Variants in ATP2B2 observed in about 807,000 individuals in gnomAD.
ATP2B2 encodes plasma membrane calcium-transporting ATPase 2.
Under a neutral mutation model 120.0 loss-of-function variants are expected in ATP2B2, and 15 were observed. The ratio of observed to expected loss-of-function variants is 0.12; its 90% CI spans 0.08 to 0.19. The LOEUF (loss-of-function observed/expected upper bound fraction) is 0.19, where lower values mean the gene tolerates loss of function less well. Ranked by LOEUF, ATP2B2 falls within the 10% of genes least tolerant of loss-of-function variation. ATP2B2 has a pLI of 1.00. For synonymous variants in ATP2B2, 694 were observed against 700.3 expected (o/e 0.99, Z 0.14); for missense variants, 1,045 against 1,719.8 (o/e 0.61, Z 6.94).
chr3:10,481,614 C>A (rs963959364), intron 1 of ATP2B2, among the ~76,000 whole-genome samples: 4 of 152,186 alleles, frequency 2.6e-5, no homozygotes, highest in Non-Finnish European at 4.4e-5. Context: ...AGTGCAATGG[C>A]ACAATCTCTG....
At chr3:10,407,189 G>C (rs2062443682) in intron 3 of ATP2B2, among the ~76,000 whole-genome samples, 1 of 152,312 alleles carries the variant, frequency 6.6e-6, no homozygotes, top group South Asian at 2.1e-4. Flanking sequence ...CAGATGGGGT[G>C]GGGGTGGGGA....
At chr3:10,551,545 T>C (rs1262761183) in intron 2 of ATP2B2, among the ~76,000 whole-genome samples, 5 of 152,242 alleles carry the variant, frequency 3.3e-5, no homozygotes, top group Non-Finnish European at 5.9e-5. Context: ...AAGTTTTGTA[T>C]AAAGAAATAT....
At position 10,329,311 on chromosome 3, in the gene ATP2B2, C is replaced by T. The variant is rs187166058; in HGVS notation, c.3421-186G>A. ...AAAAGGGGGCTCAGGTTATAGGCAT[C>T]CTTGAGCTGGTTTTTAAAAATCTCT... is the stretch of plus-strand genomic sequence containing the variant. On this transcript the variant is annotated intron_variant, in intron 22 of 22. Transcript: ENST00000360273. The surrounding 1 kb of genome is among the most constrained non-coding windows in gnomAD (Gnocchi z 5.9). 4.5e-4 allele frequency among the ~76,000 whole-genome samples: 69 copies of T among 152,034 alleles called. No individual in the cohort carries two copies. Among genetic ancestry groups the T allele is most frequent in the Non-Finnish European group, 3.4e-4 (23 of 68,000 alleles).
chr3:10,405,745 T>C (rs2062389582), intron 3 of ATP2B2, among the ~76,000 whole-genome samples: 1 of 152,212 alleles, frequency 6.6e-6, no homozygotes, highest in African/African-American at 2.4e-5. Flanking sequence ...CCTGTCTGCA[T>C]GTTCACCAGT....
intron 14 of ATP2B2, among the ~76,000 whole-genome samples, chr3:10,357,294 A>G (rs944226793): frequency 6.6e-6 from 1 of 152,172 alleles, no homozygotes; most frequent in East Asian, 1.9e-4. Flanking sequence ...CCCAGTATGC[A>G]GATGAGGCTC....
At chr3:10,540,803 G>C (rs1335798329) in intron 2 of ATP2B2, among the ~76,000 whole-genome samples, 1 of 151,412 alleles carries the variant, frequency 6.6e-6, no homozygotes, top group Non-Finnish European at 1.5e-5. Context: ...CAGCAACATG[G>C]TACATGTATA....
intron 1 of ATP2B2, among the ~76,000 whole-genome samples, chr3:10,450,969 G>A (rs755919211): frequency 5.3e-5 from 8 of 152,152 alleles, no homozygotes; most frequent in African/African-American, 1.9e-4. Context: ...GGCCCAGGAC[G>A]GTGAGGGGAA....
chr3:10,534,382 C>G (rs554969907), intron 2 of ATP2B2, among the ~76,000 whole-genome samples: 1 of 152,352 alleles, frequency 6.6e-6, no homozygotes, highest in East Asian at 1.9e-4. Context: ...GTCTCTCTGT[C>G]TGATACTGGG....
chr3:10,343,084 CT>C lies in ATP2B2; in HGVS notation c.2704-120del. 1 of 1,007,044 alleles carries C rather than the reference CT, an allele frequency of 9.9e-7. No homozygotes were observed. Among genetic ancestry groups the C allele is most frequent in the Non-Finnish European group, 1.5e-6 (1 of 667,804 alleles). The allele number at this position is 1,007,044 out of a possible 1,614,324, so 62.4% of individuals were successfully genotyped here. A position where few individuals can be genotyped will look rare whatever the true frequency, so the allele number is the denominator to read the frequency against. On this transcript the variant is annotated intron_variant, in intron 18 of 22. Transcript: ENST00000360273. This position sits in a 1 kb window ranked among gnomAD's most constrained non-coding sequence, Gnocchi z 4.2. Reference sequence around the variant, plus strand: ...CTGGAGGCTGGAGTCCGACCTGCCCCTTGGCTCCCCAGCAGGCATGGAGTTG... The same window carrying C: ...CTGGAGGCTGGAGTCCGACCTGCCCCTGGCTCCCCAGCAGGCATGGAGTTG...
intron 2 of ATP2B2, among the ~76,000 whole-genome samples, chr3:10,426,680 T>C (rs1196340389): frequency 6.6e-6 from 1 of 152,228 alleles, no homozygotes; most frequent in Non-Finnish European, 1.5e-5. Flanking sequence ...GCGAAGTTAC[T>C]ACTGGGCGAA....
At chr3:10,582,562 T>C (rs76227609) in intron 2 of ATP2B2, among the ~76,000 whole-genome samples, 46 of 152,358 alleles carry the variant, frequency 3.0e-4, no homozygotes, top group African/African-American at 1.0e-3. Flanking sequence ...GAGAGAATCC[T>C]GCACGTGTGG....
intron 2 of ATP2B2, among the ~76,000 whole-genome samples, chr3:10,587,743 G>T (rs2068545900): frequency 9.3e-6 from 1 of 108,060 alleles, no homozygotes; most frequent in South Asian, 3.5e-4. Context: ...AGTGTTTCTG[G>T]TTTTTTTGTT....
chr3:10,592,044 C>T (rs1325248879), intron 2 of ATP2B2, among the ~76,000 whole-genome samples: 1 of 152,124 alleles, frequency 6.6e-6, no homozygotes, highest in Non-Finnish European at 1.5e-5. Flanking sequence ...AGATCTGAGG[C>T]CTGCACTGGT....
At chr3:10,609,112 G>T (rs2069160745) in intron 2 of ATP2B2, among the ~76,000 whole-genome samples, 2 of 152,220 alleles carry the variant, frequency 1.3e-5, no homozygotes, top group Admixed American at 6.5e-5. Flanking sequence ...AATCGAAACA[G>T]CCATAGCCCT....
At chr3:10,678,123 C>T (rs925061134) in intron 1 of ATP2B2, among the ~76,000 whole-genome samples, 1 of 152,220 alleles carries the variant, frequency 6.6e-6, no homozygotes, top group African/African-American at 2.4e-5. Context: ...CACCAATGTG[C>T]AAACCGTGGT....
chr3:10,525,643 C>T (rs1470311150), intron 3 of ATP2B2, among the ~76,000 whole-genome samples: 8 of 152,044 alleles, frequency 5.3e-5, no homozygotes, highest in South Asian at 4.2e-4. Context: ...AGGTTCCTCT[C>T]GGCTGGGACA....
At chr3:10,393,124 G>A (rs2124912057) in intron 5 of ATP2B2, among the ~76,000 whole-genome samples, 1 of 152,298 alleles carries the variant, frequency 6.6e-6, no homozygotes, top group African/African-American at 2.4e-5. Context: ...AGTCTAGCTG[G>A]GGTCAAGGAG....
intron 1 of ATP2B2, among the ~76,000 whole-genome samples, chr3:10,451,942 AT>A (rs1210807425): frequency 6.6e-6 from 1 of 152,260 alleles, no homozygotes; most frequent in Non-Finnish European, 1.5e-5. Context: ...GTTCTGTATC[AT>A]CCATCCAAGG....
chr3:10,393,879 C>T (rs1000438583), intron 5 of ATP2B2, among the ~76,000 whole-genome samples: 3 of 152,194 alleles, frequency 2.0e-5, no homozygotes, highest in African/African-American at 7.2e-5. Flanking sequence ...CTGTCCTGAA[C>T]AGCAGGAGGT....
Sources: gnomAD v4.1 joint callset for allele counts (sites outside exome capture counted in the v4.1 genomes callset) on GRCh38, gnomAD v4.1.1 for gene constraint, Gnocchi (gnomAD v3.1) non-coding constraint, MANE v1.5 for transcripts, NCBI Gene and HGNC (gene_info 2026-07-23, HGNC 2026-07-21) for gene names.